Variants in TRPC4 observed in about 807,000 individuals in gnomAD.
TRPC4 encodes transient receptor potential cation channel subfamily C member 4.
TRPC4 carries 49 observed loss-of-function variants against 99.4 expected under a neutral mutation model. The ratio of observed to expected loss-of-function variants is 0.49; its 90% confidence interval spans 0.39 to 0.63. TRPC4 has a LOEUF of 0.63. Ranked by LOEUF, TRPC4 falls within the 20% of genes least tolerant of loss-of-function variation. The pLI is 0.00. For synonymous variants in TRPC4, 454 were observed against 425.9 expected (o/e 1.07, Z -0.81); for missense variants, 898 against 1,152.9 (o/e 0.78, Z 3.20).
intron 1 of TRPC4, among the ~76,000 whole-genome samples, chr13:37,831,364 T>G (rs926453887): frequency 6.6e-6 from 1 of 152,200 alleles, no homozygotes; most frequent in African/African-American, 2.4e-5. Flanking sequence ...GAATATCAAT[T>G]ATCAAAATGA....
At chr13:37,777,173 C>A (rs1956728629) in intron 2 of TRPC4, among the ~76,000 whole-genome samples, 1 of 151,832 alleles carries the variant, frequency 6.6e-6, no homozygotes, top group Non-Finnish European at 1.5e-5. Context: ...GTTTCTGTTT[C>A]CAATTGTATT....
In TRPC4 at chr13:37,639,055, G is replaced by A. The variant is rs116527482; in HGVS notation, c.2196C>T (p.Thr732=). 2.5e-5 allele frequency: 40 copies of A among 1,613,382 alleles called. No homozygotes were observed. In the East Asian group the frequency reaches 4.2e-4, roughly 17 times the overall value. Residue 732 remains threonine (T), a synonymous_variant, in exon 10 of 11, where the codon ACC becomes ACT. Transcript: ENST00000379705. ...AAATGGTTACCTTAAAGTTCTCTTC[G>A]GTCAGGCCTTCTTCAGTTTTAGCAT... ...IRDAKTEEGL[T]EENFKELKQD... is the part of the protein sequence containing the mutation.
intron 5 of TRPC4, among the ~76,000 whole-genome samples, chr13:37,672,930 C>T (rs1363302683): frequency 6.6e-6 from 1 of 152,056 alleles, no homozygotes; most frequent in Non-Finnish European, 1.5e-5. Flanking sequence ...AAACTATGGC[C>T]TTTCCAACTT....
chr13:37,637,068 T>C lies in TRPC4; in HGVS notation c.2769A>G (p.Val923=), dbSNP rs779347338. The C allele has an allele frequency of 2.5e-6, 4 of 1,613,818 alleles. No individual in the cohort carries two copies. In the South Asian group the frequency reaches 4.4e-5, roughly 18 times the overall value. Residue 923 remains valine, a synonymous_variant, in exon 11 of 11, where the codon GTA becomes GTG. Coordinates refer to ENST00000379705, the MANE Select transcript of TRPC4 (RefSeq NM_016179.4). ...ACTTGAATGGACACACTCTCTTTCCTACCTGTAACCCCAGTGTGTCCGTAT... is the reference window on the plus strand; with the variant it reads ...ACTTGAATGGACACACTCTCTTTCCCACCTGTAACCCCAGTGTGTCCGTAT... ...ERNTDTLGLQ[V]GKRVCPFKSE... is the part of the protein sequence containing the mutation.
At chr13:37,653,520 TG>T (rs1462899570) in intron 7 of TRPC4, among the ~76,000 whole-genome samples, 1 of 152,098 alleles carries the variant, frequency 6.6e-6, no homozygotes, top group Non-Finnish European at 1.5e-5. Flanking sequence ...AGCAAATGCT[TG>T]GCATGTTCGT....
At chr13:37,744,892 A>G (rs1367159966) in intron 3 of TRPC4, among the ~76,000 whole-genome samples, 1 of 152,100 alleles carries the variant, frequency 6.6e-6, no homozygotes, top group African/African-American at 2.4e-5. Flanking sequence ...GGTAAGAAGT[A>G]TGAGATTCTG....
At chr13:37,642,102 C>T (rs1169693117) in intron 8 of TRPC4, among the ~76,000 whole-genome samples, 2 of 152,088 alleles carry the variant, frequency 1.3e-5, no homozygotes, top group African/African-American at 2.4e-5. Context: ...ATGCCTTCAG[C>T]TTTGGCAGTA....
chr13:37,836,407 C>T (rs1484604461), intron 1 of TRPC4, among the ~76,000 whole-genome samples: 1 of 152,102 alleles, frequency 6.6e-6, no homozygotes, highest in Non-Finnish European at 1.5e-5. Context: ...TTGGAACTCC[C>T]TAGAGGCTCG....
intron 1 of TRPC4, among the ~76,000 whole-genome samples, chr13:37,819,165 A>G (rs1249371125): frequency 2.0e-5 from 3 of 152,078 alleles, no homozygotes; most frequent in African/African-American, 7.2e-5. Flanking sequence ...TATTATTAAA[A>G]AGCAAAAAAA....
chr13:37,689,542 A>G (rs1454895046), intron 4 of TRPC4, among the ~76,000 whole-genome samples: 2 of 152,234 alleles, frequency 1.3e-5, no homozygotes, highest in Non-Finnish European at 2.9e-5. Flanking sequence ...TCATCCTAAA[A>G]TTCTCAGAAA....
chr13:37,785,497 T>C (rs986545640), intron 1 of TRPC4, among the ~76,000 whole-genome samples: 2 of 152,106 alleles, frequency 1.3e-5, no homozygotes, highest in African/African-American at 4.8e-5. Context: ...GAATTTTTAT[T>C]TTAGAGTTGA....
intron 8 of TRPC4, among the ~76,000 whole-genome samples, chr13:37,649,855 C>T (rs1044163673): frequency 5.3e-5 from 8 of 151,170 alleles, no homozygotes; most frequent in Non-Finnish European, 1.2e-4. Context: ...CTTCTAAGGT[C>T]AGTGATAAAG....
chr13:37,812,197 C>A (rs7985385), intron 1 of TRPC4, among the ~76,000 whole-genome samples: 65,960 of 109,100 alleles, frequency 0.6, 18,510 homozygotes, highest in African/African-American at 0.72. Context: ...AAAAAAAAAC[C>A]AGGAGATCTA....
chr13:37,687,516 T>A (rs1403217698), intron 4 of TRPC4, among the ~76,000 whole-genome samples: 1 of 152,192 alleles, frequency 6.6e-6, no homozygotes, highest in Non-Finnish European at 1.5e-5. Context: ...ACGTATTATC[T>A]TCAGAAACAA....
intron 1 of TRPC4, among the ~76,000 whole-genome samples, chr13:37,810,862 G>A (rs959092405): frequency 1.3e-5 from 2 of 151,706 alleles, no homozygotes; most frequent in Admixed American, 1.3e-4. Context: ...TATTACTCTA[G>A]TTTATCTCTC....
intron 7 of TRPC4, 129 bp from the exon 8 acceptor site, chr13:37,651,588 C>T (rs1381752113): frequency 1.3e-5 from 10 of 777,742 alleles, no homozygotes; most frequent in Non-Finnish European, 1.9e-5. Flanking sequence ...CTAAAACCAC[C>T]ACTGACTCCC....
intron 2 of TRPC4, among the ~76,000 whole-genome samples, chr13:37,770,039 A>G (rs1056442637): frequency 6.6e-6 from 1 of 151,626 alleles, no homozygotes; most frequent in South Asian, 2.1e-4. Flanking sequence ...TAGATTCCAA[A>G]CCTGATCATT....
At chr13:37,665,994 G>T (rs772410480) in intron 5 of TRPC4, among the ~76,000 whole-genome samples, 15 of 152,144 alleles carry the variant, frequency 9.9e-5, no homozygotes, top group Non-Finnish European at 1.5e-4. Flanking sequence ...TTTATGCAAG[G>T]TCAAGGCTTT....
chr13:37,783,414 G>A (rs1204436800), intron 1 of TRPC4, 54 bp from the exon 2 acceptor site: 3 of 1,377,938 alleles, frequency 2.2e-6, no homozygotes, highest in Non-Finnish European at 1.9e-6. Context: ...TTTTAAAATT[G>A]TTAAGCATCA....
Sources: gnomAD v4.1 joint callset for allele counts (sites outside exome capture counted in the v4.1 genomes callset) on GRCh38, gnomAD v4.1.1 for gene constraint, MANE v1.5 for transcripts, NCBI Gene and HGNC (gene_info 2026-07-23, HGNC 2026-07-21) for gene names.